Variants in PPA1 observed in about 807,000 individuals in gnomAD.
PPA1 encodes the protein inorganic pyrophosphatase.
In PPA1, 23 loss-of-function variants were observed where a neutral mutation model predicts 41.8. The observed-to-expected ratio is 0.55, with a 90% CI of 0.40 to 0.78. PPA1 has a LOEUF of 0.78. Ranked by LOEUF, PPA1 falls within the 30% of genes least tolerant of loss-of-function variation. The probability of loss-of-function intolerance (pLI) is 0.00; values close to 1 mark genes in which losing one functional copy is unlikely to be tolerated. For synonymous variants in PPA1, 101 were observed against 116.8 expected, an observed-to-expected ratio of 0.86 and a Z score of 0.87; for missense variants, 320 against 361.6, an observed-to-expected ratio of 0.89 and a Z score of 0.93.
rs1344423875 is a variant in PPA1 at position 70,203,104 on chromosome 10, T to C, written c.*51A>G. 1.3e-6 allele frequency: 2 copies of C among 1,551,394 alleles called. No individual in the cohort carries two copies. Among genetic ancestry groups the C allele is most frequent in the Admixed American group, 3.4e-5 (2 of 59,074 alleles). On this transcript the variant is annotated 3_prime_UTR_variant, in exon 11 of 11. Transcript: ENST00000373232. Reference sequence around the variant, plus strand: ...AGCTACTACTTTTACTTCTAATACATCCAGATGAACACGATGTAGCAATAT... The same window carrying C: ...AGCTACTACTTTTACTTCTAATACACCCAGATGAACACGATGTAGCAATAT...
At chr10:70,203,270 T>G (rs1009471737) in intron 10 of PPA1, 84 bp from the exon 11 acceptor site, 1 of 1,198,110 alleles carries the variant, frequency 8.3e-7, no homozygotes, top group African/African-American at 1.5e-5. Context: ...ACTAATATAC[T>G]TGCTTTAATG....
At chr10:70,223,015 T>C (rs1353093558) in intron 2 of PPA1, among the ~76,000 whole-genome samples, 1 of 152,084 alleles carries the variant, frequency 6.6e-6, no homozygotes, top group Non-Finnish European at 1.5e-5. Context: ...CATGAACTCA[T>C]CATTTTTTAT....
chr10:70,210,484 G>A, intron 6 of PPA1: 1 of 1,325,988 alleles, frequency 7.5e-7, no homozygotes, highest in Non-Finnish European at 1.0e-6. Flanking sequence ...AATGTGACTA[G>A]ACTTTGCTGG....
rs776030267 is a variant in PPA1, at chr10:70,217,818, G to C, written c.291C>G (p.Ile97Met). The change falls in exon 4 of 11, where the codon ATC becomes ATG. Residue 97 changes from isoleucine (I) to methionine (M), a missense_variant. By Grantham distance (10) the Ile-to-Met change is conservative. Coordinates refer to ENST00000373232, the MANE Select transcript of PPA1 (RefSeq NM_021129.4). ...CAGTTGCATGAAGACATACCTGAGG[G>C]ATGGCACCATAGTTCCAGATATATC... is the stretch of plus-strand genomic sequence containing the variant. The part of the protein sequence containing the change: ...YKGYIWNYGA[I>M]PQTWEDPGHN... 3 of 1,570,696 alleles carry C rather than the reference G, an allele frequency of 1.9e-6. No individual in the cohort carries two copies. The highest frequency in any genetic ancestry group is 2.6e-6 in the Non-Finnish European group (3 of 1,156,650).
intron 8 of PPA1, among the ~76,000 whole-genome samples, 200 bp from the exon 9 acceptor site, chr10:70,206,533 T>C (rs1048477550): frequency 6.6e-6 from 1 of 152,070 alleles, no homozygotes; most frequent in East Asian, 1.9e-4. Flanking sequence ...TCAAATATCT[T>C]AACAAGTTCG....
intron 4 of PPA1, among the ~76,000 whole-genome samples, chr10:70,217,170 T>G (rs1840090171): frequency 6.6e-6 from 1 of 151,874 alleles, no homozygotes; most frequent in Non-Finnish European, 1.5e-5. Flanking sequence ...AAAAAAATTT[T>G]TTTAATTAAA....
intron 8 of PPA1, among the ~76,000 whole-genome samples, chr10:70,208,056 G>A (rs1839967885): frequency 2.0e-5 from 3 of 151,670 alleles, no homozygotes; most frequent in African/African-American, 4.8e-5. Flanking sequence ...CGGGCGTGGT[G>A]GCATGCGCCT....
intron 1 of PPA1, among the ~76,000 whole-genome samples, chr10:70,231,304 C>T (rs1053388527): frequency 6.6e-6 from 1 of 152,154 alleles, no homozygotes; most frequent in African/African-American, 2.4e-5. Context: ...CGGTGGCTCA[C>T]GCCTGTAATC....
chr10:70,206,027 A>G, intron 9 of PPA1: 1 of 485,676 alleles, frequency 2.1e-6, no homozygotes, highest in Admixed American at 3.3e-5. Flanking sequence ...ATTTTTACAA[A>G]TCTTACTACC....
chr10:70,206,931 T>G (rs1839951613), intron 8 of PPA1, among the ~76,000 whole-genome samples: 1 of 122,608 alleles, frequency 8.2e-6, no homozygotes, highest in Admixed American at 1.1e-4. Context: ...ATTGAATGCT[T>G]TGTAATTCTC....
At chr10:70,224,250 A>C (rs1840205433) in intron 2 of PPA1, among the ~76,000 whole-genome samples, 1 of 150,668 alleles carries the variant, frequency 6.6e-6, no homozygotes. Flanking sequence ...TCTCTACAAA[A>C]AAAAAAAAAA....
chr10:70,232,990 C>CAA (rs1478038528), intron 1 of PPA1, among the ~76,000 whole-genome samples: 1 of 152,204 alleles, frequency 6.6e-6, no homozygotes, highest in Non-Finnish European at 1.5e-5. Context: ...CAGACACCTG[C>CAA]AAAACTAGCT....
rs1188846377 is a variant in PPA1, at chr10:70,220,788, T to C, written c.124-1971A>G. ...TTATATATATATAATATATATAATTTATATATATATAATATATATAATTTT... is the reference window on the plus strand; with the variant it reads ...TTATATATATATAATATATATAATTCATATATATATAATATATATAATTTT... On this transcript the variant is annotated intron_variant, in intron 2 of 10. Coordinates refer to ENST00000373232, the MANE Select transcript of PPA1 (RefSeq NM_021129.4). Among the ~76,000 whole-genome samples the C allele has an allele frequency of 3.9e-3, 26 of 6,656 alleles. 2 individuals carry two copies. The highest frequency in any genetic ancestry group is 5.7e-3 in the Non-Finnish European group (21 of 3,696). The allele number at this position is 6,656 out of a possible 152,430, so 4.4% of individuals were successfully genotyped here.
chr10:70,209,930 G>C (rs1438912180), intron 6 of PPA1: 1 of 461,062 alleles, frequency 2.2e-6, no homozygotes, highest in Non-Finnish European at 3.9e-6. Context: ...TCTCTGAATA[G>C]CTCTGACACT....
In PPA1 at chr10:70,213,551, T is replaced by C; in HGVS notation, c.423A>G (p.Leu141=). Residue 141 remains leucine, a synonymous_variant, in exon 6 of 11, where the codon CTA becomes CTG. Coordinates refer to ENST00000373232, the MANE Select transcript of PPA1 (RefSeq NM_021129.4). ...CTTCGTCAATCATAGCCAATATGCC[T>C]AGAACTTTCACGCCAATTATTTCAC... ...ARGEIIGVKV[L]GILAMIDEGE... The C allele has an allele frequency of 6.2e-7, 1 of 1,614,002 alleles. No individual in the cohort carries two copies.
intron 4 of PPA1, 108 bp from the exon 5 acceptor site, chr10:70,214,694 GT>G: frequency 1.2e-6 from 1 of 836,752 alleles, no homozygotes; most frequent in Non-Finnish European, 1.8e-6. Context: ...TTTTCTCATT[GT>G]TTTAGTTCTT....
chr10:70,210,816 A>C (rs1306095986), intron 6 of PPA1, among the ~76,000 whole-genome samples: 9 of 150,076 alleles, frequency 6.0e-5, no homozygotes, highest in Non-Finnish European at 1.3e-4. Context: ...CCCAGGCTGG[A>C]GTGCAGTGGC....
At chr10:70,210,516 A>T in intron 6 of PPA1, 3 of 1,080,032 alleles carry the variant, frequency 2.8e-6, no homozygotes, top group South Asian at 1.4e-5. Context: ...ACTGTACATA[A>T]CAATACTTTA....
intron 4 of PPA1, among the ~76,000 whole-genome samples, chr10:70,215,197 A>AAAAAC (rs911846271): frequency 2.0e-5 from 3 of 152,222 alleles, no homozygotes; most frequent in African/African-American, 4.8e-5. Flanking sequence ...TCAATCTCAA[A>AAAAAC]AAAACAAAAC....
Sources: gnomAD v4.1 joint callset for allele counts (sites outside exome capture counted in the v4.1 genomes callset) on GRCh38, gnomAD v4.1.1 for gene constraint, MANE v1.5 for transcripts, NCBI Gene and HGNC (gene_info 2026-07-23, HGNC 2026-07-21) for gene names.